The following CHN1 variants were observed in gnomAD, a reference collection of about 807,000 sequenced individuals.
CHN1 encodes the protein N-chimaerin.
A neutral mutation model predicts 59.5 loss-of-function variants in CHN1; 37 were observed. The observed-to-expected ratio is 0.62, with a 90% CI of 0.48 to 0.82. CHN1 has a LOEUF of 0.82. CHN1 is among the 40% of genes least tolerant of loss of function. CHN1 has a pLI of 0.00. For missense variants in CHN1, 469 were observed against 571.0 expected, an observed-to-expected ratio of 0.82 and a Z score of 1.82; for synonymous variants, 206 against 200.4, an observed-to-expected ratio of 1.03 and a Z score of -0.24.
chr2:174,929,846 A>G (rs1689281858), intron 3 of CHN1, among the ~76,000 whole-genome samples: 2 of 152,316 alleles, frequency 1.3e-5, no homozygotes, highest in East Asian at 3.9e-4. Flanking sequence ...CGTGATCTTC[A>G]GTTTTACAAA....
intron 1 of CHN1, among the ~76,000 whole-genome samples, chr2:174,997,944 G>A (rs1414164630): frequency 6.7e-6 from 1 of 148,972 alleles, no homozygotes; most frequent in Non-Finnish European, 1.5e-5. Flanking sequence ...CTGAGACGAT[G>A]CCATTGCACT....
At chr2:174,877,781 G>A in intron 6 of CHN1, 59 bp downstream of exon 6, 1 of 1,489,356 alleles carries the variant, frequency 6.7e-7, no homozygotes, top group East Asian at 2.3e-5. Context: ...TGGCAATAAT[G>A]GCTTTCTTAA....
intron 6 of CHN1, among the ~76,000 whole-genome samples, chr2:174,871,895 T>C (rs1462004226): frequency 6.6e-6 from 1 of 152,168 alleles, no homozygotes; most frequent in Non-Finnish European, 1.5e-5. Context: ...AATGCTGAAT[T>C]AAGTGCAATT....
chr2:174,960,991 G>T (rs1321118953), intron 1 of CHN1, among the ~76,000 whole-genome samples: 1 of 151,918 alleles, frequency 6.6e-6, no homozygotes, highest in Non-Finnish European at 1.5e-5. Flanking sequence ...AAAAAAATCA[G>T]GTGGCGCGTG....
At chr2:174,827,848 G>T (rs532214119) in intron 7 of CHN1, among the ~76,000 whole-genome samples, 1 of 152,288 alleles carries the variant, frequency 6.6e-6, no homozygotes, top group Admixed American at 6.5e-5. Context: ...GACTGGGGAA[G>T]AATGACATTA....
intron 8 of CHN1, chr2:174,821,825 G>GT (rs1391544221): frequency 1.3e-5 from 5 of 379,124 alleles, no homozygotes; most frequent in African/African-American, 6.4e-5. Context: ...CCAGTCTGTG[G>GT]TATTTTGTCA....
intron 1 of CHN1, among the ~76,000 whole-genome samples, chr2:174,968,099 G>T (rs528783404): frequency 6.6e-6 from 1 of 152,148 alleles, no homozygotes; most frequent in Admixed American, 6.5e-5. Flanking sequence ...TTATCAAAAG[G>T]ACAGTTGCTC....
chr2:174,834,814 TAAAC>T (rs1170754914), intron 7 of CHN1, among the ~76,000 whole-genome samples: 1 of 152,246 alleles, frequency 6.6e-6, no homozygotes, highest in Non-Finnish European at 1.5e-5. Flanking sequence ...TATATTCTTT[TAAAC>T]AAATGTGCAT....
intron 8 of CHN1, among the ~76,000 whole-genome samples, chr2:174,816,372 G>A (rs75673248): frequency 0.056 from 8,562 of 152,256 alleles, 357 homozygotes; most frequent in Middle Eastern, 0.092. Context: ...TGGAAAACTG[G>A]CTTGTACCTA....
chr2:174,857,826 G>A (rs1393180684), intron 6 of CHN1, among the ~76,000 whole-genome samples: 1 of 152,120 alleles, frequency 6.6e-6, no homozygotes, highest in East Asian at 1.9e-4. Flanking sequence ...AATAGAGAAG[G>A]TGAAATCAGA....
intron 6 of CHN1, among the ~76,000 whole-genome samples, chr2:174,865,588 G>T (rs1443155927): frequency 1.3e-5 from 2 of 152,160 alleles, no homozygotes; most frequent in Non-Finnish European, 2.9e-5. Flanking sequence ...GAAACACCAT[G>T]CTCAATAAAT....
chr2:174,804,730 C>T (rs1684835091), intron 11 of CHN1, among the ~76,000 whole-genome samples: 1 of 152,144 alleles, frequency 6.6e-6, no homozygotes, highest in Admixed American at 6.5e-5. Flanking sequence ...GAGGACGAGG[C>T]CTCTATTAAC....
intron 7 of CHN1, among the ~76,000 whole-genome samples, chr2:174,830,025 G>A (rs1685818358): frequency 6.6e-6 from 1 of 152,166 alleles, no homozygotes; most frequent in East Asian, 1.9e-4. Flanking sequence ...GAGGTCAAGA[G>A]ATCGAGACTA....
intron 10 of CHN1, among the ~76,000 whole-genome samples, chr2:174,809,596 C>T (rs1685010150): frequency 6.6e-6 from 1 of 152,164 alleles, no homozygotes; most frequent in Non-Finnish European, 1.5e-5. Flanking sequence ...TTAAAACCTG[C>T]TTTTTAGTAA....
chr2:174,993,747 T>A (rs908894682), intron 1 of CHN1, among the ~76,000 whole-genome samples: 3 of 152,182 alleles, frequency 2.0e-5, no homozygotes, highest in African/African-American at 7.2e-5. Flanking sequence ...CAAATTCCCA[T>A]GATTATTGTT....
At chr2:174,915,015 G>T in intron 5 of CHN1, 43 bp downstream of exon 5, 2 of 1,216,736 alleles carry the variant, frequency 1.6e-6, no homozygotes, top group Non-Finnish European at 2.3e-6. Context: ...TATTAAGAGA[G>T]TTTTAAATAA....
At chr2:174,849,181 A>T (rs1483229101) in intron 6 of CHN1, among the ~76,000 whole-genome samples, 1 of 152,216 alleles carries the variant, frequency 6.6e-6, no homozygotes, top group Non-Finnish European at 1.5e-5. Context: ...TTTATAGATC[A>T]TTCCTGGTTC....
At chr2:174,973,615 T>C (rs1452381230) in intron 1 of CHN1, among the ~76,000 whole-genome samples, 1 of 152,150 alleles carries the variant, frequency 6.6e-6, no homozygotes. Context: ...GGAAGAGAAG[T>C]TACACATTTT....
chr2:174,971,908 T>C (rs1383685760), intron 1 of CHN1, among the ~76,000 whole-genome samples: 2 of 152,272 alleles, frequency 1.3e-5, no homozygotes, highest in Admixed American at 1.3e-4. Context: ...GAATTGGGGA[T>C]TGAAGGGAGA....
Sources: allele counts gnomAD v4.1 joint callset (sites outside exome capture counted in the v4.1 genomes callset), GRCh38; gene constraint gnomAD v4.1.1; transcripts MANE v1.5; gene names NCBI Gene and HGNC (gene_info 2026-07-23, HGNC 2026-07-21).